Variants in TMEM131L observed in about 807,000 individuals in gnomAD.
TMEM131L encodes transmembrane 131 like.
Under a neutral mutation model 192.2 loss-of-function variants are expected in TMEM131L, and 54 were observed. The observed-to-expected ratio is 0.28, with a 90% CI of 0.23 to 0.35. The LOEUF (loss-of-function observed/expected upper bound fraction) is 0.35, where lower values mean the gene tolerates loss of function less well. Among genes scored for constraint, TMEM131L ranks in the 10% least tolerant of loss-of-function variants. The pLI is 1.00. For missense variants in TMEM131L, 1,888 were observed against 1,972.9 expected (o/e 0.96, Z 0.82); for synonymous variants, 701 against 704.9 (o/e 0.99, Z 0.09).
At chr4:153,606,799 A>T (rs940766468) in intron 25 of TMEM131L, among the ~76,000 whole-genome samples, 1 of 152,202 alleles carries the variant, frequency 6.6e-6, no homozygotes, top group Non-Finnish European at 1.5e-5. Flanking sequence ...GTGATTGTTG[A>T]TCAGATCAAG....
chr4:153,627,193 A>C (rs1481602055), intron 30 of TMEM131L, among the ~76,000 whole-genome samples: 2 of 152,112 alleles, frequency 1.3e-5, no homozygotes, highest in Admixed American at 6.5e-5. Flanking sequence ...CTGCTAGCCT[A>C]GGCACACTCC....
chr4:153,520,040 T>C (rs1255395946), intron 3 of TMEM131L, among the ~76,000 whole-genome samples: 2 of 152,126 alleles, frequency 1.3e-5, no homozygotes, highest in Non-Finnish European at 2.9e-5. Context: ...CTGTGTAGAC[T>C]TGCTTCCATA....
chr4:153,513,952 TATTTTC>T (rs1441693383), intron 3 of TMEM131L, among the ~76,000 whole-genome samples: 3 of 152,218 alleles, frequency 2.0e-5, no homozygotes, highest in African/African-American at 7.2e-5. Flanking sequence ...ATGAAACACT[TATTTTC>T]ATAACATTTT....
At chr4:153,489,896 CT>C (rs1444202653) in intron 3 of TMEM131L, among the ~76,000 whole-genome samples, 2 of 152,016 alleles carry the variant, frequency 1.3e-5, no homozygotes, top group Non-Finnish European at 2.9e-5. Context: ...ACTAATGTAA[CT>C]GGTGCCAGGC....
intron 3 of TMEM131L, among the ~76,000 whole-genome samples, chr4:153,511,567 C>T (rs1248588834): frequency 6.6e-6 from 1 of 152,016 alleles, no homozygotes; most frequent in Non-Finnish European, 1.5e-5. Context: ...ATATCGAACC[C>T]CCATGACACG....
intron 3 of TMEM131L, among the ~76,000 whole-genome samples, chr4:153,489,698 A>C (rs530765089): frequency 6.6e-6 from 1 of 152,130 alleles, no homozygotes; most frequent in South Asian, 2.1e-4. Context: ...GGCTGGTCTC[A>C]AACTCCTGAC....
intron 26 of TMEM131L, among the ~76,000 whole-genome samples, chr4:153,619,504 A>T (rs1484508478): frequency 6.6e-6 from 1 of 152,244 alleles, no homozygotes; most frequent in Non-Finnish European, 1.5e-5. Flanking sequence ...AAAGGTTAAT[A>T]CATACTTATT....
At chr4:153,565,501 CTTTTTGTAA>C (rs1364153617) in intron 7 of TMEM131L, among the ~76,000 whole-genome samples, 1 of 152,174 alleles carries the variant, frequency 6.6e-6, no homozygotes, top group East Asian at 1.9e-4. Flanking sequence ...TGATTATTAA[CTTTTTGTAA>C]TTTTTGTAAT....
chr4:153,519,872 G>T (rs1734987505), intron 3 of TMEM131L, among the ~76,000 whole-genome samples: 1 of 152,178 alleles, frequency 6.6e-6, no homozygotes, highest in African/African-American at 2.4e-5. Flanking sequence ...GGATGAATAG[G>T]GAAGTTTACT....
chr4:153,516,751 A>G (rs1734759811), intron 3 of TMEM131L, among the ~76,000 whole-genome samples: 1 of 152,116 alleles, frequency 6.6e-6, no homozygotes, highest in Non-Finnish European at 1.5e-5. Flanking sequence ...TAATGTCTTG[A>G]GATTGTCAGT....
At chr4:153,557,863 T>C (rs1472166830) in intron 6 of TMEM131L, among the ~76,000 whole-genome samples, 2 of 152,166 alleles carry the variant, frequency 1.3e-5, no homozygotes, top group Non-Finnish European at 2.9e-5. Flanking sequence ...TGCAGTGGTG[T>C]GATCAGGCTG....
chr4:153,488,927 G>T (rs890409248), intron 3 of TMEM131L, among the ~76,000 whole-genome samples: 1 of 152,130 alleles, frequency 6.6e-6, no homozygotes, highest in Non-Finnish European at 1.5e-5. Context: ...CTCCCTGGGT[G>T]TCTCCGTGCT....
At chr4:153,489,283 G>A (rs186304282) in intron 3 of TMEM131L, among the ~76,000 whole-genome samples, 1 of 152,146 alleles carries the variant, frequency 6.6e-6, no homozygotes, top group Non-Finnish European at 1.5e-5. Flanking sequence ...CTTCCTGAGA[G>A]CTGCACAGAC....
Position 153,609,885 on chromosome 4 carries a change from A to G in TMEM131L, c.3419-2367A>G, listed in dbSNP as rs192209614. Among the ~76,000 whole-genome samples the G allele has an allele frequency of 5.3e-5, 8 of 152,154 alleles. No homozygotes were observed. In the East Asian group the frequency reaches 1.4e-3, roughly 26 times the overall value. ...CAGAATCCAAAGGGATATTCTTCTT[A>G]TGCTTTCTTTTTCTGGTACGGACCC... On this transcript the variant is annotated intron_variant, in intron 25 of 34. Transcript: ENST00000409959.
At chr4:153,508,111 G>A (rs368378955) in intron 3 of TMEM131L, among the ~76,000 whole-genome samples, 30 of 152,238 alleles carry the variant, frequency 2.0e-4, no homozygotes, top group African/African-American at 6.5e-4. Context: ...AATGATGTTA[G>A]GACTAAGGAA....
chr4:153,530,869 C>T (rs1014894979), intron 3 of TMEM131L, among the ~76,000 whole-genome samples: 5 of 152,148 alleles, frequency 3.3e-5, no homozygotes, highest in Non-Finnish European at 5.9e-5. Flanking sequence ...TGGGCCAGTT[C>T]CATGTGGTTC....
At chr4:153,533,080 G>A (rs999339330) in intron 3 of TMEM131L, among the ~76,000 whole-genome samples, 7 of 150,518 alleles carry the variant, frequency 4.7e-5, no homozygotes, top group African/African-American at 1.7e-4. Flanking sequence ...TCTGTCTCCC[G>A]GGTTCAAGCA....
At chr4:153,556,791 A>C (rs919781208) in intron 5 of TMEM131L, among the ~76,000 whole-genome samples, 175 bp from the exon 6 acceptor site, 1 of 152,242 alleles carries the variant, frequency 6.6e-6, no homozygotes, top group Non-Finnish European at 1.5e-5. Context: ...GCTATATCTA[A>C]GAGCAGATAA....
At chr4:153,521,428 C>T (rs2150148766) in intron 3 of TMEM131L, among the ~76,000 whole-genome samples, 1 of 152,262 alleles carries the variant, frequency 6.6e-6, no homozygotes, top group South Asian at 2.1e-4. Flanking sequence ...TAGGAAAGGA[C>T]ACGTGCTGTT....
Sources: gnomAD v4.1 joint callset for allele counts (sites outside exome capture counted in the v4.1 genomes callset) on GRCh38, gnomAD v4.1.1 for gene constraint, MANE v1.5 for transcripts, NCBI Gene and HGNC (gene_info 2026-07-23, HGNC 2026-07-21) for gene names.